Variants in AUTS2 observed in about 807,000 individuals in gnomAD.
AUTS2 encodes activator of transcription and developmental regulator AUTS2, also known as autism susceptibility gene 2 protein.
A neutral mutation model predicts 112.4 loss-of-function variants in AUTS2; 17 were observed. The observed-to-expected ratio is 0.15, with a 90% confidence interval of 0.10 to 0.23. AUTS2 has a LOEUF of 0.23. Ranked by LOEUF, AUTS2 falls within the 10% of genes least tolerant of loss-of-function variation. AUTS2 has a pLI of 1.00. For synonymous variants in AUTS2, 751 were observed against 702.7 expected (o/e 1.07, Z -1.09); for missense variants, 1,510 against 1,701.6 (o/e 0.89, Z 1.98).
At chr7:70,122,102 T>C (rs1200311903) in intron 3 of AUTS2, among the ~76,000 whole-genome samples, 2 of 152,216 alleles carry the variant, frequency 1.3e-5, no homozygotes, top group African/African-American at 4.8e-5. Context: ...AAATATTGTA[T>C]GATTCCACTT....
At chr7:70,681,262 C>G (rs2129545188) in intron 5 of AUTS2, among the ~76,000 whole-genome samples, 1 of 152,254 alleles carries the variant, frequency 6.6e-6, no homozygotes, top group African/African-American at 2.4e-5. Flanking sequence ...GAGAATCCAC[C>G]CGGGCCTGGC....
At chr7:69,939,411 C>T (rs1796539264) in intron 2 of AUTS2, among the ~76,000 whole-genome samples, 1 of 152,096 alleles carries the variant, frequency 6.6e-6, no homozygotes, top group African/African-American at 2.4e-5. Context: ...TCTCTGTGCC[C>T]CACACAACCT....
At chr7:70,072,401 C>T (rs1454073029) in intron 2 of AUTS2, among the ~76,000 whole-genome samples, 1 of 152,134 alleles carries the variant, frequency 6.6e-6, no homozygotes, top group Non-Finnish European at 1.5e-5. Context: ...CCATTCACAG[C>T]TGTTGTCCTC....
chr7:70,534,113 T>C (rs1800209249), intron 5 of AUTS2, among the ~76,000 whole-genome samples: 1 of 152,230 alleles, frequency 6.6e-6, no homozygotes, highest in South Asian at 2.1e-4. Flanking sequence ...TATTGCCTTT[T>C]CTCTGCCTCC....
In AUTS2 at chr7:70,045,946, G is replaced by A. The variant is rs527542725; in HGVS notation, c.523-72186G>A. Among the ~76,000 whole-genome samples the A allele has an allele frequency of 3.6e-4, 54 of 152,046 alleles. 2 individuals are homozygous for A. The South Asian group carries it at 8.7e-3, about 25-fold the overall frequency. On this transcript the variant is annotated intron_variant, in intron 2 of 18. Transcript: ENST00000342771. ...GGCCTTGCAACTCACATTATTATTGGCCAGTGCTGTTTTAAAGTTCTGTTG... is the reference window on the plus strand; with the variant it reads ...GGCCTTGCAACTCACATTATTATTGACCAGTGCTGTTTTAAAGTTCTGTTG...
At chr7:69,792,004 G>C (rs920164119) in intron 1 of AUTS2, among the ~76,000 whole-genome samples, 3 of 152,050 alleles carry the variant, frequency 2.0e-5, no homozygotes, top group Admixed American at 6.6e-5. Flanking sequence ...GGTGGCTGTC[G>C]ATAGGCATTC....
chr7:70,500,834 G>A (rs936186302), intron 5 of AUTS2, among the ~76,000 whole-genome samples: 16 of 151,772 alleles, frequency 1.1e-4, no homozygotes, highest in African/African-American at 2.7e-4. Flanking sequence ...CGATTCTCCC[G>A]CCTCAGCCTC....
chr7:69,824,270 G>A (rs549116953), intron 1 of AUTS2, among the ~76,000 whole-genome samples: 6 of 151,908 alleles, frequency 3.9e-5, no homozygotes, highest in East Asian at 1.9e-4. Flanking sequence ...AAAATTAGTC[G>A]GGCATGGTGG....
At chr7:69,729,456 T>C (rs1206897334) in intron 1 of AUTS2, among the ~76,000 whole-genome samples, 3 of 143,264 alleles carry the variant, frequency 2.1e-5, no homozygotes, top group Non-Finnish European at 3.0e-5. Flanking sequence ...TTTCTACGAT[T>C]TATATGTCAC....
intron 4 of AUTS2, among the ~76,000 whole-genome samples, chr7:70,433,753 C>A (rs1409105280): frequency 6.6e-6 from 1 of 152,192 alleles, no homozygotes; most frequent in East Asian, 1.9e-4. Flanking sequence ...ATGTTCTAAT[C>A]CTCCAGTCTA....
chr7:69,708,493 C>T (rs908260600), intron 1 of AUTS2, among the ~76,000 whole-genome samples: 11 of 152,110 alleles, frequency 7.2e-5, no homozygotes, highest in African/African-American at 1.4e-4. Context: ...GAGCTGTCTT[C>T]GAGGGAAGTG....
chr7:70,761,227 A>G, intron 6 of AUTS2, among the ~76,000 whole-genome samples: 1 of 152,198 alleles, frequency 6.6e-6, no homozygotes, highest in East Asian at 1.9e-4. Flanking sequence ...GGATCACTTG[A>G]GCCCAGGAGT....
intron 1 of AUTS2, among the ~76,000 whole-genome samples, chr7:69,890,426 A>AT: frequency 6.6e-6 from 1 of 152,176 alleles, no homozygotes; most frequent in Non-Finnish European, 1.5e-5. Flanking sequence ...TACCTGATCT[A>AT]TTTTTTTAAA....
At chr7:70,668,025 G>A (rs1267646132) in intron 5 of AUTS2, among the ~76,000 whole-genome samples, 1 of 152,226 alleles carries the variant, frequency 6.6e-6, no homozygotes, top group Non-Finnish European at 1.5e-5. Context: ...ACCTAGGCTG[G>A]ATGGAGTGCA....
chr7:70,283,102 A>G (rs1391447836), intron 4 of AUTS2, among the ~76,000 whole-genome samples: 1 of 152,212 alleles, frequency 6.6e-6, no homozygotes, highest in Non-Finnish European at 1.5e-5. Context: ...TGTACCATTC[A>G]GAATATTAGC....
intron 2 of AUTS2, among the ~76,000 whole-genome samples, chr7:70,001,981 G>T (rs1373239978): frequency 6.6e-6 from 1 of 152,184 alleles, no homozygotes; most frequent in Admixed American, 6.5e-5. Flanking sequence ...AAAGTGCTGA[G>T]ATTACAGGCG....
chr7:70,125,373 C>T (rs1038745237), intron 3 of AUTS2, among the ~76,000 whole-genome samples: 3 of 151,894 alleles, frequency 2.0e-5, no homozygotes, highest in African/African-American at 7.2e-5. Flanking sequence ...TGACTGAGTA[C>T]TTTGCCTAAT....
At chr7:70,763,442 G>C (rs1199089386) in intron 7 of AUTS2, 101 bp downstream of exon 7, 1 of 803,964 alleles carries the variant, frequency 1.2e-6, no homozygotes, top group Non-Finnish European at 2.0e-6. Context: ...AGGTTTCCTT[G>C]TTGGAAACAT....
At chr7:69,831,698 T>A (rs1791507935) in intron 1 of AUTS2, among the ~76,000 whole-genome samples, 1 of 152,024 alleles carries the variant, frequency 6.6e-6, no homozygotes, top group Non-Finnish European at 1.5e-5. Flanking sequence ...GATGTCTCAG[T>A]TTTAAAGAGC....
Sources: gnomAD v4.1 joint callset for allele counts (sites outside exome capture counted in the v4.1 genomes callset) on GRCh38, gnomAD v4.1.1 for gene constraint, MANE v1.5 for transcripts, NCBI Gene and HGNC (gene_info 2026-07-23, HGNC 2026-07-21) for gene names.